TBC1D19: variants seen among roughly 807,000 people sequenced by gnomAD.
TBC1D19 encodes TBC1 domain family, member 19.
TBC1D19 carries 60 observed loss-of-function variants against 89.0 expected under a neutral mutation model. That is an observed-to-expected ratio of 0.67 (90% CI 0.55 to 0.84). The LOEUF is 0.84. TBC1D19 is among the 40% of genes least tolerant of loss of function. The pLI, the probability that TBC1D19 is intolerant of heterozygous loss-of-function variation, is 0.00. For missense variants in TBC1D19, 500 were observed against 610.8 expected, an observed-to-expected ratio of 0.82 and a Z score of 1.91; for synonymous variants, 189 against 199.7, an observed-to-expected ratio of 0.95 and a Z score of 0.45.
intron 3 of TBC1D19, among the ~76,000 whole-genome samples, chr4:26,618,515 G>T (rs1215594887): frequency 6.6e-6 from 1 of 152,158 alleles, no homozygotes; most frequent in Non-Finnish European, 1.5e-5. Context: ...GGCTAAGGAC[G>T]ATTCTAGATT....
intron 8 of TBC1D19, 66 bp from the exon 9 acceptor site, chr4:26,666,267 G>C (rs1360050868): frequency 7.7e-7 from 1 of 1,295,878 alleles, no homozygotes. Context: ...TAAGGCAAAG[G>C]TGATCTTTTA....
At chr4:26,818,246 G>C in the TBC1D19 span, among the ~76,000 whole-genome samples, 1 of 151,958 alleles carries the variant, frequency 6.6e-6, no homozygotes, top group Admixed American at 6.6e-5. Context: ...ATTTATTTTT[G>C]AGACAGGGTC....
At chr4:26,709,817 C>T (rs547041415) in intron 13 of TBC1D19, among the ~76,000 whole-genome samples, 79 of 152,046 alleles carry the variant, frequency 5.2e-4, no homozygotes, top group South Asian at 5.0e-3. Flanking sequence ...CTTGGTGCTT[C>T]CTACTGCACC....
the TBC1D19 span, among the ~76,000 whole-genome samples, chr4:26,787,410 G>C: frequency 0.011 from 1,661 of 152,142 alleles, 39 homozygotes; most frequent in African/African-American, 0.038. Context: ...CTAAAACTAG[G>C]TTTATTAATA....
At chr4:26,796,049 T>G in the TBC1D19 span, among the ~76,000 whole-genome samples, 3 of 152,190 alleles carry the variant, frequency 2.0e-5, no homozygotes, top group Non-Finnish European at 4.4e-5. Flanking sequence ...CTCTAAGGTA[T>G]TTGTAGTACA....
At chr4:26,795,550 A>G in the TBC1D19 span, among the ~76,000 whole-genome samples, 1 of 152,198 alleles carries the variant, frequency 6.6e-6, no homozygotes, top group Non-Finnish European at 1.5e-5. Flanking sequence ...AATGAATTGA[A>G]TCAATGATTA....
At chr4:26,683,790 A>G in intron 12 of TBC1D19, 41 bp downstream of exon 12, 1 of 1,520,040 alleles carries the variant, frequency 6.6e-7, no homozygotes, top group South Asian at 1.2e-5. Context: ...TCATTAATAT[A>G]ATTTAGAATT....
intron 1 of TBC1D19, among the ~76,000 whole-genome samples, chr4:26,602,435 CTTTTTTTTTT>C (rs34004440): frequency 1.4e-5 from 1 of 73,042 alleles, no homozygotes; most frequent in African/African-American, 4.6e-5. Context: ...CTATTGTATT[CTTTTTTTTTT>C]TTTTTTTTTT....
At chr4:26,693,835 A>C (rs1714517707) in intron 13 of TBC1D19, among the ~76,000 whole-genome samples, 1 of 152,242 alleles carries the variant, frequency 6.6e-6, no homozygotes. Flanking sequence ...TGAAAATTTT[A>C]CTGGAAGGAC....
chr4:26,694,768 TA>T (rs1267553794), intron 13 of TBC1D19, among the ~76,000 whole-genome samples: 1 of 152,212 alleles, frequency 6.6e-6, no homozygotes, highest in African/African-American at 2.4e-5. Flanking sequence ...CCGCTGCTGA[TA>T]CCCAGGCAAA....
intron 11 of TBC1D19, among the ~76,000 whole-genome samples, 200 bp downstream of exon 11, chr4:26,674,088 T>G (rs906915331): frequency 9.2e-5 from 14 of 152,168 alleles, no homozygotes; most frequent in Admixed American, 9.2e-4. Context: ...ATTGAAGTTT[T>G]TGTTATTAAT....
Position 26,606,786 on chromosome 4 carries a change from C to T in TBC1D19, c.100-6383C>T, listed in dbSNP as rs1741036814. On this transcript the variant is annotated intron_variant, in intron 1 of 20. Transcript: ENST00000264866. ...ATTAGCATGATAGCATAGTGAAAAG[C>T]AGGAAAGATGAGGTCTCTTTAGAGG... Among the ~76,000 whole-genome samples the T allele has an allele frequency of 3.3e-5, 5 of 152,122 alleles. No homozygotes were observed. In the South Asian group the frequency reaches 1.0e-3, roughly 32 times the overall value.
At chr4:26,593,945 A>T (rs574110065) in intron 1 of TBC1D19, among the ~76,000 whole-genome samples, 6 of 152,298 alleles carry the variant, frequency 3.9e-5, no homozygotes, top group Non-Finnish European at 8.8e-5. Flanking sequence ...TTCCTCAGGG[A>T]TCTAGAACTA....
chr4:26,821,359 G>A, the TBC1D19 span, among the ~76,000 whole-genome samples: 3 of 152,178 alleles, frequency 2.0e-5, no homozygotes, highest in African/African-American at 7.2e-5. Flanking sequence ...CACACTTGAA[G>A]TAAAACAAAA....
chr4:26,753,994 G>GT (rs1291062963), intron 20 of TBC1D19, 104 bp downstream of exon 20: 2 of 1,230,304 alleles, frequency 1.6e-6, no homozygotes, highest in Admixed American at 1.9e-5. Context: ...TTGTAGCCAG[G>GT]TTTTTTAACT....
the TBC1D19 span, among the ~76,000 whole-genome samples, chr4:26,795,360 C>G: frequency 2.6e-5 from 4 of 152,196 alleles, no homozygotes; most frequent in African/African-American, 9.7e-5. Flanking sequence ...GCTACTATTA[C>G]AATTCCCTGA....
At chr4:26,589,207 G>A (rs1003307951) in intron 1 of TBC1D19, among the ~76,000 whole-genome samples, 8 of 152,064 alleles carry the variant, frequency 5.3e-5, no homozygotes, top group African/African-American at 1.9e-4. Flanking sequence ...CCCGGGAGGT[G>A]GAGGTTGCAG....
At chr4:26,720,962 A>G (rs1483471975) in intron 15 of TBC1D19, among the ~76,000 whole-genome samples, 1 of 152,088 alleles carries the variant, frequency 6.6e-6, no homozygotes, top group African/African-American at 2.4e-5. Context: ...AACTTTACTG[A>G]TCACTATATC....
the TBC1D19 span, among the ~76,000 whole-genome samples, chr4:26,761,311 A>G: frequency 2.6e-4 from 40 of 152,336 alleles, 2 homozygotes; most frequent in South Asian, 7.7e-3. Context: ...ATCATTAACA[A>G]TGTTGAGTCC....
Sources: gnomAD v4.1 joint callset for allele counts (sites outside exome capture counted in the v4.1 genomes callset) on GRCh38, gnomAD v4.1.1 for gene constraint, MANE v1.5 for transcripts, NCBI Gene and HGNC (gene_info 2026-07-23, HGNC 2026-07-21) for gene names.